Variants in GRIN2A observed in about 807,000 individuals in gnomAD.
GRIN2A encodes glutamate ionotropic receptor NMDA type subunit 2A.
GRIN2A carries 22 observed loss-of-function variants against 113.4 expected under a neutral mutation model. The ratio of observed to expected loss-of-function variants is 0.19; its 90% CI spans 0.14 to 0.28. The LOEUF (loss-of-function observed/expected upper bound fraction) is 0.28. Among genes scored for constraint, GRIN2A ranks in the 10% least tolerant of loss-of-function variants. The pLI, the probability that GRIN2A is intolerant of heterozygous loss-of-function variation, is 1.00. For synonymous variants in GRIN2A, 827 were observed against 738.4 expected, an observed-to-expected ratio of 1.12 and a Z score of -1.94; for missense variants, 1,502 against 1,887.0, an observed-to-expected ratio of 0.80 and a Z score of 3.78.
intron 11 of GRIN2A, among the ~76,000 whole-genome samples, chr16:9,784,762 C>T (rs1041639541): frequency 5.9e-5 from 9 of 152,160 alleles, no homozygotes; most frequent in African/African-American, 2.2e-4. Flanking sequence ...CAAACAACCC[C>T]ATCAAAAAGT....
At chr16:9,981,472 A>T (rs181942258) in intron 2 of GRIN2A, among the ~76,000 whole-genome samples, 4 of 152,172 alleles carry the variant, frequency 2.6e-5, no homozygotes, top group Admixed American at 2.6e-4. Context: ...AATTTTAACT[A>T]TTTTCAATTC....
intron 2 of GRIN2A, among the ~76,000 whole-genome samples, chr16:10,050,168 G>T (rs2047333236): frequency 1.3e-5 from 2 of 152,302 alleles, no homozygotes; most frequent in Non-Finnish European, 2.9e-5. Flanking sequence ...CTAAGAGGGA[G>T]GTAGAAAGGG....
At chr16:10,130,829 T>C (rs2049046460) in intron 2 of GRIN2A, among the ~76,000 whole-genome samples, 1 of 152,120 alleles carries the variant, frequency 6.6e-6, no homozygotes, top group Non-Finnish European at 1.5e-5. Context: ...AGTAAACAGC[T>C]GGGGGAGTAA....
chr16:10,130,029 G>T (rs181461594), intron 2 of GRIN2A, among the ~76,000 whole-genome samples: 2 of 152,340 alleles, frequency 1.3e-5, no homozygotes, highest in East Asian at 1.9e-4. Flanking sequence ...AAGGTGACTT[G>T]TAGGTTTGTA....
intron 2 of GRIN2A, among the ~76,000 whole-genome samples, chr16:10,033,462 A>G (rs1484216456): frequency 1.3e-5 from 2 of 152,194 alleles, no homozygotes; most frequent in Non-Finnish European, 2.9e-5. Flanking sequence ...ATGAAAATAA[A>G]CAGGATGATG....
chr16:9,979,862 T>A (rs2045858150), intron 2 of GRIN2A, among the ~76,000 whole-genome samples: 1 of 148,882 alleles, frequency 6.7e-6, no homozygotes, highest in South Asian at 2.1e-4. Flanking sequence ...TGTGTGTGTG[T>A]GTGTGTGTGT....
chr16:9,944,197 C>T (rs1875209), intron 2 of GRIN2A, among the ~76,000 whole-genome samples: 112,047 of 152,160 alleles, frequency 0.74, 42,983 homozygotes, highest in African/African-American at 0.88. Flanking sequence ...CTGTTGAGGA[C>T]TGCCCTTGTG....
At chr16:10,017,966 C>T (rs898871984) in intron 2 of GRIN2A, among the ~76,000 whole-genome samples, 3 of 152,176 alleles carry the variant, frequency 2.0e-5, no homozygotes, top group Non-Finnish European at 2.9e-5. Flanking sequence ...AAATATTGCA[C>T]TGAAATGGTA....
chr16:9,849,425 T>C (rs2042839803), intron 5 of GRIN2A, among the ~76,000 whole-genome samples: 2 of 152,014 alleles, frequency 1.3e-5, no homozygotes, highest in African/African-American at 2.4e-5. Context: ...GTGGAGTCAG[T>C]TGGACCACTG....
intron 3 of GRIN2A, among the ~76,000 whole-genome samples, chr16:9,929,736 T>A (rs1345280192): frequency 6.6e-6 from 1 of 152,140 alleles, no homozygotes; most frequent in Non-Finnish European, 1.5e-5. Flanking sequence ...TTACTAAATT[T>A]CAAAATGAAA....
intron 11 of GRIN2A, among the ~76,000 whole-genome samples, chr16:9,779,651 A>G (rs1901824752): frequency 6.6e-6 from 1 of 152,176 alleles, no homozygotes; most frequent in African/African-American, 2.4e-5. Flanking sequence ...ACTAAAGCAG[A>G]AGGAAGACCC....
At chr16:9,883,244 T>A (rs193056132) in intron 4 of GRIN2A, among the ~76,000 whole-genome samples, 215 of 152,298 alleles carry the variant, frequency 1.4e-3, no homozygotes, top group Admixed American at 9.3e-3. Context: ...TAGCTCTTAA[T>A]AAATGGCAGC....
chr16:10,155,345 T>C (rs1017807487), intron 2 of GRIN2A, among the ~76,000 whole-genome samples: 1 of 152,150 alleles, frequency 6.6e-6, no homozygotes, highest in Non-Finnish European at 1.5e-5. Context: ...TGTTGGTCTT[T>C]TCATCAGCAC....
chr16:9,844,180 T>C (rs2042730565), intron 5 of GRIN2A, among the ~76,000 whole-genome samples: 1 of 152,142 alleles, frequency 6.6e-6, no homozygotes, highest in South Asian at 2.1e-4. Context: ...GTCACAGGCA[T>C]ATAGTGGCAT....
At chr16:9,965,731 A>T (rs895720791) in intron 2 of GRIN2A, among the ~76,000 whole-genome samples, 2 of 152,176 alleles carry the variant, frequency 1.3e-5, no homozygotes, top group African/African-American at 4.8e-5. Flanking sequence ...GATCACAATC[A>T]AGGGTGATAT....
intron 2 of GRIN2A, chr16:10,112,083 G>A (rs2048626967): frequency 3.3e-6 from 2 of 604,282 alleles, no homozygotes; most frequent in Non-Finnish European, 6.1e-6. Flanking sequence ...CTACATTCTG[G>A]CCTCCAAGGA....
chr16:10,033,509 G>A (rs780826944), intron 2 of GRIN2A, among the ~76,000 whole-genome samples: 3 of 152,116 alleles, frequency 2.0e-5, no homozygotes, highest in Non-Finnish European at 2.9e-5. Context: ...GTTAGAACAG[G>A]GCCATGATCT....
intron 5 of GRIN2A, among the ~76,000 whole-genome samples, chr16:9,846,493 T>C (rs766752359): frequency 2.6e-5 from 4 of 152,216 alleles, no homozygotes; most frequent in Admixed American, 2.0e-4. Context: ...CACTTGCATC[T>C]TGTGTGATAA....
At chr16:10,176,112 C>T (rs1268347906) in intron 2 of GRIN2A, among the ~76,000 whole-genome samples, 2 of 147,440 alleles carry the variant, frequency 1.4e-5, no homozygotes, top group African/African-American at 5.0e-5. Flanking sequence ...TCATGCAATT[C>T]TCCCTGCCTC....
Sources: gnomAD v4.1 joint callset for allele counts (sites outside exome capture counted in the v4.1 genomes callset) on GRCh38, gnomAD v4.1.1 for gene constraint, MANE v1.5 for transcripts, NCBI Gene and HGNC (gene_info 2026-07-23, HGNC 2026-07-21) for gene names.